Variants in SCRG1 observed in about 807,000 individuals in gnomAD.
The protein encoded by SCRG1 is scrapie-responsive protein 1.
In SCRG1, 3 loss-of-function variants were observed where a neutral mutation model predicts 7.7. That is an observed-to-expected ratio of 0.39 (90% CI 0.18 to 1.01). SCRG1 has a LOEUF of 1.01. SCRG1 is among the 50% of genes least tolerant of loss of function. SCRG1 has a pLI of 0.36. For missense variants in SCRG1, 110 were observed against 117.2 expected (o/e 0.94, Z 0.28); for synonymous variants, 46 against 41.2 (o/e 1.12, Z -0.44).
At chr4:173,483,277 A>ATATATTATATATCATATATGATATATC in the SCRG1 span, among the ~76,000 whole-genome samples, 2 of 40,574 alleles carry the variant, frequency 4.9e-5, 1 homozygote. Context: ...TATGATATAT[A>ATATATTATATATCATATATGATATATC]ATATATGATA....
intron 2 of SCRG1, chr4:173,389,686 G>A (rs1739368220): frequency 5.3e-6 from 1 of 187,532 alleles, no homozygotes; most frequent in South Asian, 9.1e-5. Flanking sequence ...CTGCTGTTCT[G>A]GGAACCACAC....
the SCRG1 span, among the ~76,000 whole-genome samples, chr4:173,471,903 T>C: frequency 5.3e-5 from 8 of 152,304 alleles, no homozygotes; most frequent in African/African-American, 1.7e-4. Context: ...GAGATAGAGT[T>C]TCTCCATGTT....
chr4:173,413,223 G>A, the SCRG1 span, among the ~76,000 whole-genome samples: 1 of 152,202 alleles, frequency 6.6e-6, no homozygotes, highest in Non-Finnish European at 1.5e-5. Flanking sequence ...GGGACAAGAT[G>A]TATTCAATTC....
chr4:173,475,430 A>G, the SCRG1 span, among the ~76,000 whole-genome samples: 1 of 152,214 alleles, frequency 6.6e-6, no homozygotes, highest in Admixed American at 6.5e-5. Context: ...TGTCAAGAGC[A>G]CCCCTGTTAA....
the SCRG1 span, among the ~76,000 whole-genome samples, chr4:173,435,290 T>C: frequency 1.3e-5 from 2 of 151,974 alleles, no homozygotes; most frequent in Non-Finnish European, 2.9e-5. Flanking sequence ...TGAAAGACAA[T>C]GGAGCTTCCC....
At chr4:173,420,595 C>T in the SCRG1 span, among the ~76,000 whole-genome samples, 4 of 151,630 alleles carry the variant, frequency 2.6e-5, no homozygotes, top group East Asian at 1.9e-4. Flanking sequence ...TGTGGATTAC[C>T]GCACAAACAA....
At chr4:173,445,595 A>AAG in the SCRG1 span, among the ~76,000 whole-genome samples, 1 of 138,432 alleles carries the variant, frequency 7.2e-6, no homozygotes, top group Non-Finnish European at 1.6e-5. Flanking sequence ...AAAAAAAAAG[A>AAG]AAAGAAAATA....
chr4:173,436,714 A>G, the SCRG1 span, among the ~76,000 whole-genome samples: 1 of 152,088 alleles, frequency 6.6e-6, no homozygotes, highest in African/African-American at 2.4e-5. Flanking sequence ...TCTGTACACA[A>G]ATCATTTGTG....
chr4:173,479,435 G>GTTTTTTTTTTTTTTTTTTTTTTTTTTTT, the SCRG1 span, among the ~76,000 whole-genome samples: 7 of 125,930 alleles, frequency 5.6e-5, 2 homozygotes, highest in Non-Finnish European at 5.1e-5. Flanking sequence ...TTGTTTGTTT[G>GTTTTTTTTTTTTTTTTTTTTTTTTTTTT]TTTTTTTGTT....
chr4:173,486,423 T>G, the SCRG1 span, among the ~76,000 whole-genome samples: 1 of 152,200 alleles, frequency 6.6e-6, no homozygotes, highest in Non-Finnish European at 1.5e-5. Context: ...GTAGGCTTTC[T>G]TGCTTTGGAT....
chr4:173,404,138 C>T (rs894191812), exon 3 of SCRG1: 1 of 152,178 alleles, frequency 6.6e-6, no homozygotes, highest in Non-Finnish European at 1.5e-5. Flanking sequence ...CAAGATCACA[C>T]AGCTGATAAG....
the SCRG1 span, among the ~76,000 whole-genome samples, chr4:173,464,220 AT>A: frequency 1.3e-5 from 2 of 152,212 alleles, no homozygotes; most frequent in African/African-American, 4.8e-5. Flanking sequence ...CCAGCTCAAT[AT>A]TTTATGAAAA....
At chr4:173,397,979 G>A (rs920367783) in intron 1 of SCRG1, among the ~76,000 whole-genome samples, 2 of 152,160 alleles carry the variant, frequency 1.3e-5, no homozygotes, top group African/African-American at 2.4e-5. Flanking sequence ...ATTATAGTTG[G>A]GAGAGATTAA....
At chr4:173,391,065 A>C (rs1739422843) in intron 2 of SCRG1, 108 bp downstream of exon 2, 1 of 1,160,742 alleles carries the variant, frequency 8.6e-7, no homozygotes, top group African/African-American at 1.5e-5. Context: ...TTGGAACAGG[A>C]TTTTACTAAA....
chr4:173,465,671 T>C, the SCRG1 span, among the ~76,000 whole-genome samples: 1 of 151,562 alleles, frequency 6.6e-6, no homozygotes, highest in African/African-American at 2.4e-5. Context: ...ATTATATACA[T>C]ACATATATAG....
the SCRG1 span, among the ~76,000 whole-genome samples, chr4:173,501,077 A>G: frequency 6.6e-6 from 1 of 152,186 alleles, no homozygotes; most frequent in Non-Finnish European, 1.5e-5. This position sits in a 1 kb window ranked among gnomAD's most constrained non-coding sequence, Gnocchi z 5.1. Context: ...GGACGCCGTG[A>G]CGCTTTGCAG....
upstream of SCRG1, among the ~76,000 whole-genome samples, chr4:173,406,696 C>A (rs1470267925): frequency 3.3e-5 from 5 of 152,114 alleles, no homozygotes; most frequent in African/African-American, 1.2e-4. Flanking sequence ...AGTTTTACCC[C>A]TTCTAGAATG....
At chr4:173,512,755 G>A in the SCRG1 span, among the ~76,000 whole-genome samples, 1 of 152,170 alleles carries the variant, frequency 6.6e-6, no homozygotes, top group Admixed American at 6.5e-5. Flanking sequence ...ACTCCTATGT[G>A]GAGGAGAGTC....
At chr4:173,505,747 A>T in the SCRG1 span, among the ~76,000 whole-genome samples, 2 of 152,214 alleles carry the variant, frequency 1.3e-5, no homozygotes, top group African/African-American at 4.8e-5. This position sits in a 1 kb window ranked among gnomAD's most constrained non-coding sequence, Gnocchi z 4.4. Flanking sequence ...ACCTCTCTAG[A>T]TGAGAAAGAA....
Sources: gnomAD v4.1 joint callset for allele counts (sites outside exome capture counted in the v4.1 genomes callset) on GRCh38, gnomAD v4.1.1 for gene constraint, Gnocchi (gnomAD v3.1) non-coding constraint, MANE v1.5 for transcripts, NCBI Gene and HGNC (gene_info 2026-07-23, HGNC 2026-07-21) for gene names.